The following MOXD1 variants were observed in gnomAD, a reference collection of about 807,000 sequenced individuals.
MOXD1 encodes monooxygenase DBH like 1.
A neutral mutation model predicts 66.6 loss-of-function variants in MOXD1; 62 were observed. The ratio of observed to expected loss-of-function variants is 0.93; its 90% CI spans 0.76 to 1.15. The LOEUF (loss-of-function observed/expected upper bound fraction) is 1.15. MOXD1 is among the 50% of genes most tolerant of loss of function. The pLI, the probability that MOXD1 is intolerant of heterozygous loss-of-function variation, is 0.00. For synonymous variants in MOXD1, 303 were observed against 281.9 expected (o/e 1.07, Z -0.75); for missense variants, 847 against 754.6 (o/e 1.12, Z -1.44).
intron 1 of MOXD1, among the ~76,000 whole-genome samples, chr6:132,376,501 CTTTTTTTTTTTT>C (rs1166086289): frequency 4.6e-5 from 3 of 65,382 alleles, no homozygotes; most frequent in Non-Finnish European, 4.8e-5. Flanking sequence ...ACTACAGCTT[CTTTTTTTTTTTT>C]TTTTTTTTTT....
chr6:132,314,649 C>T (rs1316488475), intron 10 of MOXD1, among the ~76,000 whole-genome samples: 2 of 152,086 alleles, frequency 1.3e-5, no homozygotes, highest in Non-Finnish European at 2.9e-5. Flanking sequence ...CTTTCCTGTG[C>T]AGAATTTGCA....
At chr6:132,378,379 C>T (rs768596157) in intron 1 of MOXD1, among the ~76,000 whole-genome samples, 42 of 152,212 alleles carry the variant, frequency 2.8e-4, no homozygotes, top group South Asian at 6.2e-4. Flanking sequence ...CCACCCTCAG[C>T]TTATGATCAC....
chr6:132,384,720 G>A (rs961656938), intron 1 of MOXD1, among the ~76,000 whole-genome samples: 1 of 152,168 alleles, frequency 6.6e-6, no homozygotes, highest in Admixed American at 6.5e-5. Flanking sequence ...AGGAGGTTGG[G>A]TTATCCAGTG....
chr6:132,345,411 T>A lies in MOXD1; in HGVS notation c.664-16817A>T, dbSNP rs915240807. On this transcript the variant is annotated intron_variant, in intron 4 of 11. Transcript: ENST00000367963. ...CACAGAATAAATTGGTAAGTTTTTC[T>A]TCCTCTTCTAAAAAAAAAGAATAGA... Among the ~76,000 whole-genome samples, 3 of 152,132 alleles carry A rather than the reference T, an allele frequency of 2.0e-5. 1 individual carries two copies. Among genetic ancestry groups the A allele is most frequent in the Non-Finnish European group, 4.4e-5 (3 of 68,014 alleles).
rs1371061797 is a variant in MOXD1 at position 132,345,056 on chromosome 6, C to G, written c.664-16462G>C. 2.0e-5 allele frequency among the ~76,000 whole-genome samples: 3 copies of G among 152,164 alleles called. No homozygotes were observed. In the East Asian group the frequency reaches 5.8e-4, roughly 29 times the overall value. On this transcript the variant is annotated intron_variant, in intron 4 of 11. Coordinates refer to ENST00000367963, the MANE Select transcript of MOXD1 (RefSeq NM_015529.4). ...GCCAGGCCAACCCAGGGGCCACGGT[C>G]CAGAGTGGGGCAATGGGAACAAATG...
chr6:132,340,638 A>ATCTTTT (rs1562287208), intron 4 of MOXD1, among the ~76,000 whole-genome samples: 3 of 98,808 alleles, frequency 3.0e-5, no homozygotes, highest in African/African-American at 1.3e-4. Flanking sequence ...AACAAGACTC[A>ATCTTTT]TTTTTTTTTT....
At chr6:132,372,786 T>C (rs1431719579) in intron 3 of MOXD1, 44 bp downstream of exon 3, 6 of 1,610,878 alleles carry the variant, frequency 3.7e-6, no homozygotes, top group Non-Finnish European at 5.1e-6. Flanking sequence ...GTATACACTT[T>C]CAATAAGCCC....
At chr6:132,304,639 T>C (rs1774645981) in intron 10 of MOXD1, among the ~76,000 whole-genome samples, 1 of 152,184 alleles carries the variant, frequency 6.6e-6, no homozygotes, top group Non-Finnish European at 1.5e-5. Flanking sequence ...CTGTAAGCAA[T>C]AAACCCATTT....
At chr6:132,351,599 T>C (rs933902689) in intron 4 of MOXD1, among the ~76,000 whole-genome samples, 1 of 152,144 alleles carries the variant, frequency 6.6e-6, no homozygotes, top group Admixed American at 6.6e-5. Flanking sequence ...GGTCAGTAGT[T>C]TTCTCTTTTG....
chr6:132,391,384 A>C (rs1776760080), intron 1 of MOXD1: 1 of 152,206 alleles, frequency 6.6e-6, no homozygotes, highest in Middle Eastern at 3.2e-3. Context: ...TATCCATTTG[A>C]AATTATTTTT....
chr6:132,385,077 TTA>T (rs1478298184), intron 1 of MOXD1, among the ~76,000 whole-genome samples: 1 of 152,118 alleles, frequency 6.6e-6, no homozygotes, highest in Non-Finnish European at 1.5e-5. Flanking sequence ...ACGATGGGTT[TTA>T]TATATTGGGT....
At chr6:132,399,808 A>G (rs1481485717) in intron 1 of MOXD1, among the ~76,000 whole-genome samples, 1 of 152,226 alleles carries the variant, frequency 6.6e-6, no homozygotes, top group Non-Finnish European at 1.5e-5. Flanking sequence ...GTATTTAAAT[A>G]AGGTATTGTC....
At position 132,397,672 on chromosome 6, in the gene MOXD1, AAG is replaced by A. The variant is rs1776922010; in HGVS notation, c.264+3489_264+3490del. On this transcript the variant is annotated intron_variant, in intron 1 of 11. Coordinates refer to ENST00000367963, the MANE Select transcript of MOXD1 (RefSeq NM_015529.4). ...AAAGAAAGAAAGAAAGAAAGAAAGA[AAG>A]AAAGAAAGAAAGAAAGAAAGAAAGA... 4.2e-5 allele frequency among the ~76,000 whole-genome samples: 6 copies of A among 141,578 alleles called. No individual in the cohort carries two copies. The South Asian group carries it at 6.7e-4, about 16-fold the overall frequency. 92.9% of individuals were successfully genotyped at this position (141,578 alleles called of 152,430 possible). A position where few individuals can be genotyped will look rare whatever the true frequency, so the allele number is the denominator to read the frequency against.
chr6:132,296,596 G>A lies in MOXD1; in HGVS notation c.*557C>T, dbSNP rs181794415. The A allele has an allele frequency of 1.1e-3, 175 of 152,384 alleles. No individual in the cohort carries two copies. The highest frequency in any genetic ancestry group is 3.8e-3 in the African/African-American group (159 of 41,528). 9.4% of individuals were successfully genotyped at this position (152,384 alleles called of 1,614,324 possible). The stretch of plus-strand genomic sequence containing the variant: ...CTCAGATAAACAAGGGAACCAGAGT[G>A]GGCATCAACAAAAAGCATTGAGGTA... On this transcript the variant is annotated 3_prime_UTR_variant, in exon 12 of 12. Coordinates refer to ENST00000367963, the MANE Select transcript of MOXD1 (RefSeq NM_015529.4).
At chr6:132,364,169 G>T (rs899358999) in intron 4 of MOXD1, among the ~76,000 whole-genome samples, 10 of 152,182 alleles carry the variant, frequency 6.6e-5, no homozygotes, top group Non-Finnish European at 1.3e-4. Flanking sequence ...ATAGTCACCA[G>T]TTGGTTTTTA....
At chr6:132,376,897 A>C (rs1351004773) in intron 1 of MOXD1, among the ~76,000 whole-genome samples, 2 of 152,242 alleles carry the variant, frequency 1.3e-5, no homozygotes, top group South Asian at 2.1e-4. Context: ...CATCTATCAG[A>C]TAAAACTATT....
At chr6:132,393,748 C>A (rs536698891) in intron 1 of MOXD1, among the ~76,000 whole-genome samples, 1 of 152,208 alleles carries the variant, frequency 6.6e-6, no homozygotes, top group Non-Finnish European at 1.5e-5. Flanking sequence ...CCAAGAGCCC[C>A]TGCACCTCCA....
intron 4 of MOXD1, among the ~76,000 whole-genome samples, chr6:132,354,281 G>T (rs775118430): frequency 2.6e-5 from 4 of 152,180 alleles, no homozygotes; most frequent in African/African-American, 9.7e-5. Flanking sequence ...ATTTGGGTAG[G>T]CTCTGTCAGA....
At chr6:132,392,064 C>T (rs1401025294) in intron 1 of MOXD1, 1 of 975,732 alleles carries the variant, frequency 1.0e-6, no homozygotes, top group African/African-American at 1.7e-5. Context: ...CAGGGTTGCA[C>T]ACTCTCTTCA....
Sources: gnomAD v4.1 joint callset for allele counts (sites outside exome capture counted in the v4.1 genomes callset) on GRCh38, gnomAD v4.1.1 for gene constraint, MANE v1.5 for transcripts, NCBI Gene and HGNC (gene_info 2026-07-23, HGNC 2026-07-21) for gene names.